The following ZC3H12B variants were observed in gnomAD, a reference collection of about 807,000 sequenced individuals.
ZC3H12B encodes the protein probable ribonuclease ZC3H12B.
A neutral mutation model predicts 43.9 loss-of-function variants in ZC3H12B; 7 were observed. The ratio of observed to expected loss-of-function variants is 0.16; its 90% CI spans 0.09 to 0.30. The LOEUF is 0.30. Ranked by LOEUF, ZC3H12B falls within the 10% of genes least tolerant of loss-of-function variation. ZC3H12B has a pLI of 1.00. For synonymous variants in ZC3H12B, 222 were observed against 241.7 expected (o/e 0.92, Z 0.76); for missense variants, 475 against 670.2 (o/e 0.71, Z 3.22).
chrX:65,124,097 C>T, the ZC3H12B span, among the ~76,000 whole-genome samples: 1 of 111,106 alleles, frequency 9.0e-6, no homozygotes, highest in East Asian at 2.8e-4. Context: ...TCAAAGTTTT[C>T]CCTGTTCATT....
chrX:65,164,548 G>T, the ZC3H12B span, among the ~76,000 whole-genome samples: 2 of 111,448 alleles, frequency 1.8e-5, no homozygotes, highest in Admixed American at 1.9e-4. Flanking sequence ...AAGGAAGGAG[G>T]TTAGTTTTGG....
At chrX:65,485,972 G>C (rs1156337641), upstream of ZC3H12B, among the ~76,000 whole-genome samples, 1 of 111,908 alleles carries the variant, frequency 8.9e-6, no homozygotes, top group African/African-American at 3.2e-5. Context: ...CTTCTAACAT[G>C]TTGTCTGGTG....
At chrX:65,285,637 G>A in the ZC3H12B span, among the ~76,000 whole-genome samples, 2 of 111,536 alleles carry the variant, frequency 1.8e-5, no homozygotes, top group Non-Finnish European at 3.8e-5. Context: ...GAAAAATAAA[G>A]CATTTCCAAG....
the ZC3H12B span, among the ~76,000 whole-genome samples, chrX:65,312,082 A>G: frequency 3.6e-5 from 4 of 111,606 alleles, no homozygotes; most frequent in African/African-American, 9.8e-5. Context: ...AACATGGCAT[A>G]TGTATATCTA....
chrX:65,365,375 C>T (rs2066159828), upstream of ZC3H12B, among the ~76,000 whole-genome samples: 1 of 110,967 alleles, frequency 9.0e-6, no homozygotes, highest in South Asian at 3.9e-4. Flanking sequence ...GGCCTTGTGT[C>T]TTTCATTTAG....
At chrX:65,291,001 G>A in the ZC3H12B span, among the ~76,000 whole-genome samples, 4 of 111,367 alleles carry the variant, frequency 3.6e-5, no homozygotes, top group East Asian at 5.6e-4. Flanking sequence ...GCTAAATACC[G>A]TGACTTGATC....
chrX:65,412,868 G>A (rs1353471358), intron 3 of ZC3H12B, among the ~76,000 whole-genome samples: 1 of 111,281 alleles, frequency 9.0e-6, no homozygotes, highest in Admixed American at 9.6e-5. Flanking sequence ...TTGAGGAAAT[G>A]CAAAGCTGTT....
At chrX:65,178,156 A>G in the ZC3H12B span, among the ~76,000 whole-genome samples, 7 of 112,297 alleles carry the variant, frequency 6.2e-5, no homozygotes, top group Admixed American at 6.6e-4. Context: ...AACACAAGCA[A>G]TGGGGAAAGT....
the ZC3H12B span, among the ~76,000 whole-genome samples, chrX:65,109,510 G>A: frequency 9.0e-6 from 1 of 111,706 alleles, no homozygotes. Context: ...TATGCATGTG[G>A]TAGCCTGTAT....
intron 3 of ZC3H12B, among the ~76,000 whole-genome samples, chrX:65,473,912 C>G (rs1035327135): frequency 6.3e-5 from 7 of 111,688 alleles, no homozygotes; most frequent in Non-Finnish European, 1.3e-4. Context: ...GGAGAATGTT[C>G]CCTGTGTACT....
the ZC3H12B span, among the ~76,000 whole-genome samples, chrX:65,038,311 C>T: frequency 3.6e-5 from 4 of 110,966 alleles, no homozygotes; most frequent in African/African-American, 1.3e-4. Flanking sequence ...AACTTTAATT[C>T]ACAGTAGCTA....
the ZC3H12B span, among the ~76,000 whole-genome samples, chrX:65,229,076 G>A: frequency 3.6e-5 from 4 of 110,344 alleles, no homozygotes; most frequent in Non-Finnish European, 7.6e-5. Flanking sequence ...ACATCGCCAA[G>A]TCAATCCTAA....
the ZC3H12B span, among the ~76,000 whole-genome samples, chrX:65,252,471 C>G: frequency 2.7e-5 from 3 of 112,017 alleles, no homozygotes; most frequent in South Asian, 1.1e-3. Flanking sequence ...TTAATACACA[C>G]AAAATCCCTG....
chrX:65,376,241 A>T (rs1334830837), intron 2 of ZC3H12B, among the ~76,000 whole-genome samples: 3 of 112,130 alleles, frequency 2.7e-5, no homozygotes, highest in Non-Finnish European at 5.6e-5. Context: ...CTCATTGAGC[A>T]CCAACTCAGC....
chrX:65,421,566 C>T (rs1474159523), intron 3 of ZC3H12B, among the ~76,000 whole-genome samples: 1 of 112,410 alleles, frequency 8.9e-6, no homozygotes, highest in Non-Finnish European at 1.9e-5. Flanking sequence ...AATGCTACTG[C>T]CAAAACTACC....
the ZC3H12B span, among the ~76,000 whole-genome samples, chrX:65,148,412 C>T: frequency 8.9e-6 from 1 of 111,769 alleles, no homozygotes; most frequent in Admixed American, 9.4e-5. Flanking sequence ...TGGTCCAGAG[C>T]CCAAAGCTGC....
chrX:65,441,682 C>G, intron 3 of ZC3H12B, among the ~76,000 whole-genome samples: 2 of 111,878 alleles, frequency 1.8e-5, no homozygotes, highest in Middle Eastern at 9.1e-3. Context: ...TGAACTAGAC[C>G]TTCCTAAAAG....
chrX:65,471,451 T>A (rs1176568096), intron 3 of ZC3H12B, among the ~76,000 whole-genome samples: 1 of 97,503 alleles, frequency 1.0e-5, no homozygotes, highest in Admixed American at 1.1e-4. Context: ...TGTGATTTTT[T>A]TTTTTTTTTT....
chrX:65,117,970 T>C, the ZC3H12B span, among the ~76,000 whole-genome samples: 1 of 111,624 alleles, frequency 9.0e-6, no homozygotes, highest in Non-Finnish European at 1.9e-5. Context: ...TGTAGCCTTG[T>C]AGTATAGTTT....
Sources: allele counts gnomAD v4.1 joint callset (sites outside exome capture counted in the v4.1 genomes callset), GRCh38; gene constraint gnomAD v4.1.1; transcripts MANE v1.5; gene names NCBI Gene and HGNC (gene_info 2026-07-23, HGNC 2026-07-21).